Variants in OSBPL6 observed in about 807,000 individuals in gnomAD.
OSBPL6 encodes the protein oxysterol-binding protein-related protein 6.
A neutral mutation model predicts 125.8 loss-of-function variants in OSBPL6; 49 were observed. The observed-to-expected ratio is 0.39, with a 90% CI of 0.31 to 0.49. The LOEUF is 0.49. Among genes scored for constraint, OSBPL6 ranks in the 20% least tolerant of loss-of-function variants. The pLI, the probability that OSBPL6 is intolerant of heterozygous loss-of-function variation, is 0.88. For missense variants in OSBPL6, 986 were observed against 1,135.4 expected (o/e 0.87, Z 1.89); for synonymous variants, 394 against 391.8 (o/e 1.01, Z -0.07).
chr2:178,215,467 A>G (rs550198895), intron 1 of OSBPL6, among the ~76,000 whole-genome samples: 57 of 152,126 alleles, frequency 3.7e-4, no homozygotes, highest in Non-Finnish European at 6.9e-4. Context: ...ATACCACCTA[A>G]TTTCAAGGCT....
chr2:178,383,423 C>T (rs1332138453), intron 17 of OSBPL6, 146 bp downstream of exon 17: 29 of 1,263,458 alleles, frequency 2.3e-5, no homozygotes, highest in African/African-American at 3.0e-5. Flanking sequence ...TGCATAAATC[C>T]GGCAAGGCCA....
chr2:178,207,511 T>C (rs10174251), intron 1 of OSBPL6, among the ~76,000 whole-genome samples: 2,468 of 152,270 alleles, frequency 0.016, 70 homozygotes, highest in African/African-American at 0.056. Context: ...ATCTACAAGC[T>C]CAGGGGATTA....
At chr2:178,241,825 C>G (rs11902232) in intron 1 of OSBPL6, among the ~76,000 whole-genome samples, 46,293 of 152,124 alleles carry the variant, frequency 0.3, 7,801 homozygotes, top group African/African-American at 0.45. Context: ...TTCAGTCAAT[C>G]ATGGACTGCA....
At chr2:178,315,101 A>G (rs1014408994) in intron 3 of OSBPL6, among the ~76,000 whole-genome samples, 6 of 152,188 alleles carry the variant, frequency 3.9e-5, no homozygotes, top group Admixed American at 6.5e-5. Flanking sequence ...GGTGAGTTCT[A>G]TGCTATCTGT....
At chr2:178,292,763 G>A (rs1245476186) in intron 2 of OSBPL6, among the ~76,000 whole-genome samples, 1 of 152,134 alleles carries the variant, frequency 6.6e-6, no homozygotes, top group Non-Finnish European at 1.5e-5. Flanking sequence ...TCTGGAGACA[G>A]ACAGTAAGCC....
At chr2:178,338,038 T>C (rs1689855638) in intron 9 of OSBPL6, among the ~76,000 whole-genome samples, 2 of 149,184 alleles carry the variant, frequency 1.3e-5, no homozygotes, top group South Asian at 4.2e-4. Flanking sequence ...GCCTCCCTGG[T>C]TCAAGAGATT....
chr2:178,245,807 G>T (rs750900948), intron 1 of OSBPL6, among the ~76,000 whole-genome samples: 2 of 152,194 alleles, frequency 1.3e-5, no homozygotes, highest in Non-Finnish European at 2.9e-5. Context: ...GTTCAAGGGT[G>T]TACAGCTGGG....
Position 178,386,911 on chromosome 2 carries a change from A to G in OSBPL6, c.2078-150A>G, listed in dbSNP as rs1470803416. 3 of 442,232 alleles carry G rather than the reference A, an allele frequency of 6.8e-6. No homozygotes were observed. The East Asian group carries it at 1.2e-4, about 17-fold the overall frequency. The allele number at this position is 442,232 out of a possible 1,614,324, so 27.4% of individuals were successfully genotyped here. A position where few individuals can be genotyped will look rare whatever the true frequency, so the allele number is the denominator to read the frequency against. ...ACAGTTAATATTTTCACCTTGGGCC[A>G]TTTGCAGGCACTTGTCATACTAAAT... On this transcript the variant is annotated intron_variant, in intron 19 of 24. Transcript: ENST00000190611.
At chr2:178,232,375 T>C (rs183339738) in intron 1 of OSBPL6, among the ~76,000 whole-genome samples, 7 of 151,962 alleles carry the variant, frequency 4.6e-5, no homozygotes, top group African/African-American at 1.7e-4. Context: ...CCCAGAGACA[T>C]AGGGCACCAA....
At chr2:178,297,471 G>T (rs1428032287) in intron 2 of OSBPL6, among the ~76,000 whole-genome samples, 2 of 152,102 alleles carry the variant, frequency 1.3e-5, no homozygotes, top group East Asian at 3.9e-4. Flanking sequence ...TATTAGGGTG[G>T]ATATCTACAG....
chr2:178,315,815 T>G (rs1687682148), intron 3 of OSBPL6, among the ~76,000 whole-genome samples: 1 of 152,172 alleles, frequency 6.6e-6, no homozygotes, highest in Non-Finnish European at 1.5e-5. Context: ...GGCCTGAGAA[T>G]CTGTTGTTTA....
chr2:178,364,093 C>A (rs115266108), intron 13 of OSBPL6, among the ~76,000 whole-genome samples: 74 of 152,302 alleles, frequency 4.9e-4, no homozygotes, highest in African/African-American at 1.7e-3. Flanking sequence ...TCTTTCCTTT[C>A]TAACAAATTG....
At chr2:178,205,457 G>A (rs1051926603) in intron 1 of OSBPL6, among the ~76,000 whole-genome samples, 1 of 152,168 alleles carries the variant, frequency 6.6e-6, no homozygotes, top group African/African-American at 2.4e-5. Context: ...GATCTAATAA[G>A]TTCTGGATCT....
intron 12 of OSBPL6, among the ~76,000 whole-genome samples, chr2:178,361,040 G>C (rs997757956): frequency 6.6e-6 from 1 of 152,158 alleles, no homozygotes; most frequent in Non-Finnish European, 1.5e-5. Context: ...TAATTTGTTA[G>C]GTATGTAGGA....
chr2:178,354,969 C>T (rs1691633669), intron 12 of OSBPL6, among the ~76,000 whole-genome samples: 2 of 152,156 alleles, frequency 1.3e-5, no homozygotes, highest in Admixed American at 6.5e-5. Context: ...AACTGAACAA[C>T]CTGCTTCTGA....
chr2:178,329,375 C>T (rs151291764), intron 5 of OSBPL6, among the ~76,000 whole-genome samples: 6 of 151,914 alleles, frequency 3.9e-5, no homozygotes, highest in African/African-American at 1.4e-4. Flanking sequence ...AGAAAGTTGC[C>T]GTACATTTTC....
At chr2:178,332,578 A>G (rs1309967723) in intron 6 of OSBPL6, 63 bp from the exon 7 acceptor site, 2 of 1,219,950 alleles carry the variant, frequency 1.6e-6, no homozygotes, top group Non-Finnish European at 2.4e-6. Context: ...GTTCACTTAA[A>G]TACAGTACAG....
At chr2:178,194,268 C>T (rs926997666), upstream of OSBPL6, among the ~76,000 whole-genome samples, 1 of 152,182 alleles carries the variant, frequency 6.6e-6, no homozygotes, top group Non-Finnish European at 1.5e-5. Context: ...TGTGGGACCC[C>T]GCGTGACCAG....
intron 1 of OSBPL6, among the ~76,000 whole-genome samples, chr2:178,225,062 A>C (rs1252443675): frequency 6.6e-6 from 1 of 151,506 alleles, no homozygotes; most frequent in Non-Finnish European, 1.5e-5. Flanking sequence ...AACACATCTA[A>C]AGAATCTATA....
Sources: gnomAD v4.1 joint callset for allele counts (sites outside exome capture counted in the v4.1 genomes callset) on GRCh38, gnomAD v4.1.1 for gene constraint, MANE v1.5 for transcripts, NCBI Gene and HGNC (gene_info 2026-07-23, HGNC 2026-07-21) for gene names.